Variants in PCNX1 observed in about 807,000 individuals in gnomAD.
PCNX1 encodes pecanex 1.
Under a neutral mutation model 242.2 loss-of-function variants are expected in PCNX1, and 78 were observed. That is an observed-to-expected ratio of 0.32 (90% CI 0.27 to 0.39). PCNX1 has a LOEUF of 0.39. Among genes scored for constraint, PCNX1 ranks in the 10% least tolerant of loss-of-function variants. The pLI, the probability that PCNX1 is intolerant of heterozygous loss-of-function variation, is 1.00. For synonymous variants in PCNX1, 1,024 were observed against 1,032.9 expected (o/e 0.99, Z 0.17); for missense variants, 2,581 against 2,856.5 (o/e 0.90, Z 2.20).
intron 8 of PCNX1, among the ~76,000 whole-genome samples, chr14:71,003,100 T>TTTTTTTTTTTA (rs2059555857): frequency 1.4e-5 from 2 of 146,994 alleles, no homozygotes; most frequent in Non-Finnish European, 3.0e-5. Flanking sequence ...TTTTTTTTTT[T>TTTTTTTTTTTA]GAGACAGAGT....
chr14:70,937,258 T>C (rs1234738461), intron 1 of PCNX1, among the ~76,000 whole-genome samples: 1 of 152,246 alleles, frequency 6.6e-6, no homozygotes, highest in Non-Finnish European at 1.5e-5. Flanking sequence ...AGGGTTTTTA[T>C]GGTTTTAGGT....
intron 23 of PCNX1, 22 bp downstream of exon 23, chr14:71,050,782 T>G (rs2061004965): frequency 6.2e-7 from 1 of 1,605,110 alleles, no homozygotes; most frequent in Non-Finnish European, 8.5e-7. Flanking sequence ...ATTAAAGTTT[T>G]ATAAGAATGG....
In PCNX1 at chr14:71,013,169, T is replaced by C; in HGVS notation, c.2963T>C (p.Phe988Ser). 1.2e-6 allele frequency: 2 copies of C among 1,614,068 alleles called. No homozygotes were observed. Among genetic ancestry groups the C allele is most frequent in the Non-Finnish European group, 1.7e-6 (2 of 1,179,940 alleles). ...ILPQLWIGIN[F>S]DRLTLLALFD... ...CCCCAGCTGTGGATTGGCATTAACT[T>C]TGACAGACTCACACTTTTGGCCCTG... The change falls in exon 11 of 36, where the codon TTT (phenylalanine) becomes TCT (serine). Residue 988 changes from phenylalanine to serine, a missense_variant. Around this residue, in one of 9 missense-constraint regions of PCNX1, gnomAD observed 1,204 missense variants for 1,216.7 expected, o/e 0.99. Coordinates refer to ENST00000304743, the MANE Select transcript of PCNX1 (RefSeq NM_014982.3).
At chr14:71,039,750 C>T (rs779361294) in intron 19 of PCNX1, among the ~76,000 whole-genome samples, 36 of 152,232 alleles carry the variant, frequency 2.4e-4, no homozygotes, top group South Asian at 8.3e-4. Context: ...CCTAAAACCC[C>T]GAAAAGTCTC....
intron 2 of PCNX1, among the ~76,000 whole-genome samples, chr14:70,951,253 C>A: frequency 6.6e-6 from 1 of 151,780 alleles, no homozygotes; most frequent in Non-Finnish European, 1.5e-5. Context: ...ATCTTTCTGC[C>A]TTTTTTCATT....
intron 2 of PCNX1, among the ~76,000 whole-genome samples, chr14:70,956,897 A>G (rs1028498276): frequency 6.6e-6 from 1 of 152,180 alleles, no homozygotes; most frequent in Non-Finnish European, 1.5e-5. Context: ...GAATCATATC[A>G]TAAATATTAG....
intron 31 of PCNX1, among the ~76,000 whole-genome samples, chr14:71,102,632 C>T (rs529682140): frequency 1.3e-5 from 2 of 152,118 alleles, no homozygotes; most frequent in Non-Finnish European, 2.9e-5. Context: ...GACCATATTA[C>T]ATTTGTCTTT....
At chr14:71,105,119 A>T in intron 32 of PCNX1, 116 bp from the exon 33 acceptor site, 1 of 739,462 alleles carries the variant, frequency 1.4e-6, no homozygotes, top group Non-Finnish European at 2.3e-6. Context: ...CACCATAAAG[A>T]CTTTAAAAGG....
intron 2 of PCNX1, among the ~76,000 whole-genome samples, chr14:70,959,305 T>G (rs1346813026): frequency 6.6e-6 from 1 of 150,924 alleles, no homozygotes; most frequent in South Asian, 2.1e-4. Context: ...TGTATACACA[T>G]GCCATGCTGG....
At chr14:71,082,164 G>A (rs1381377189) in intron 28 of PCNX1, among the ~76,000 whole-genome samples, 8 of 152,228 alleles carry the variant, frequency 5.3e-5, no homozygotes, top group East Asian at 1.9e-4. Flanking sequence ...GTTGTTGTGC[G>A]GTTTTGAGTG....
chr14:71,053,469 CA>C (rs994826302), intron 24 of PCNX1: 36 of 345,176 alleles, frequency 1.0e-4, no homozygotes, highest in South Asian at 7.1e-4. Context: ...AGGCGCCCAC[CA>C]GCACACCTGG....
chr14:70,975,007 C>T (rs2058652320), intron 5 of PCNX1, among the ~76,000 whole-genome samples: 1 of 152,018 alleles, frequency 6.6e-6, no homozygotes, highest in Non-Finnish European at 1.5e-5. Context: ...GTAAGTTTGG[C>T]TGTGTCTTTT....
chr14:71,108,635 G>A lies in PCNX1; in HGVS notation c.6333G>A (p.Ser2111=), dbSNP rs759984103. 21 of 1,613,592 alleles carry A rather than the reference G, an allele frequency of 1.3e-5. No homozygotes were observed. The highest frequency in any genetic ancestry group is 1.6e-4 in the Middle Eastern group (1 of 6,082). ...GTSHSSHSVQ[S]GLVRQSPARA... ...GCCACAGCTCTCACTCTGTGCAGTC[G>A]GGCCTGGTCAGACAGTCTCCTGCCC... Residue 2111 remains serine, a synonymous_variant, in exon 34 of 36, where the codon TCG becomes TCA. Coordinates refer to ENST00000304743, the MANE Select transcript of PCNX1 (RefSeq NM_014982.3).
intron 19 of PCNX1, among the ~76,000 whole-genome samples, chr14:71,043,408 T>A (rs8010063): frequency 0.29 from 44,686 of 151,902 alleles, 6,567 homozygotes; most frequent in Middle Eastern, 0.4. Context: ...CTTTGCCATT[T>A]CTTCTAGAAA....
chr14:70,922,409 A>G (rs115574628), intron 1 of PCNX1, among the ~76,000 whole-genome samples: 1,679 of 152,252 alleles, frequency 0.011, 14 homozygotes, highest in South Asian at 0.017. Flanking sequence ...AACCTTTAAT[A>G]GGGGAGAATT....
chr14:70,957,209 G>T (rs753766793), intron 2 of PCNX1, among the ~76,000 whole-genome samples: 105 of 152,134 alleles, frequency 6.9e-4, no homozygotes, highest in Non-Finnish European at 1.2e-3. Context: ...GTCTGGTCTC[G>T]AACTCCTGGG....
intron 2 of PCNX1, among the ~76,000 whole-genome samples, chr14:70,950,385 T>C (rs1301844013): frequency 6.6e-6 from 1 of 152,136 alleles, no homozygotes; most frequent in Non-Finnish European, 1.5e-5. Flanking sequence ...AGTATCTCAT[T>C]ATGCCAATGT....
In PCNX1 at chr14:70,940,818, G is replaced by A. The variant is rs1483582800; in HGVS notation, c.154-6097G>A. Among the ~76,000 whole-genome samples the A allele has an allele frequency of 2.0e-5, 3 of 152,128 alleles. No homozygotes were observed. In the South Asian group the frequency reaches 6.2e-4, roughly 32 times the overall value. On this transcript the variant is annotated intron_variant, in intron 1 of 35. Transcript: ENST00000304743. ...TAGTCCCATATTTCTTGGAGGTTTT[G>A]TTCTTTTCTTTTTACTCTTTTTTCT...
chr14:71,053,999 G>A (rs927901459), intron 24 of PCNX1, among the ~76,000 whole-genome samples: 1 of 152,124 alleles, frequency 6.6e-6, no homozygotes, highest in African/African-American at 2.4e-5. Context: ...GGCCAGGCTG[G>A]TCTCAAACTC....
Sources: allele counts gnomAD v4.1 joint callset (sites outside exome capture counted in the v4.1 genomes callset), GRCh38; gene constraint gnomAD v4.1.1; regional missense constraint gnomAD v4.1.1; transcripts MANE v1.5; gene names NCBI Gene and HGNC (gene_info 2026-07-23, HGNC 2026-07-21).